ASB13: variants seen among roughly 807,000 people sequenced by gnomAD.
The protein encoded by ASB13 is ankyrin repeat and SOCS box protein 13.
ASB13 carries 33 observed loss-of-function variants against 28.8 expected under a neutral mutation model. The observed-to-expected ratio is 1.15, with a 90% CI of 0.87 to 1.53. The LOEUF (loss-of-function observed/expected upper bound fraction) is 1.53, where lower values mean the gene tolerates loss of function less well. Ranked by LOEUF, ASB13 falls within the 40% of genes most tolerant of loss-of-function variation. The probability of loss-of-function intolerance (pLI) is 0.00; values close to 1 mark genes in which losing one functional copy is unlikely to be tolerated. For synonymous variants in ASB13, 182 were observed against 172.9 expected (o/e 1.05, Z -0.41); for missense variants, 414 against 390.1 (o/e 1.06, Z -0.52).
At position 5,666,496 on chromosome 10, in the gene ASB13, C is replaced by T. The variant is rs1368171714; in HGVS notation, c.43+13G>A. On this transcript the variant is annotated intron_variant, in intron 1 of 5. Transcript: ENST00000357700. ...CGCTGCCTCGCTCTGACCTCCGCGG[C>T]GCCCGCACGTACCCACGTCGCCCAG... The T allele has an allele frequency of 4.6e-6, 6 of 1,294,660 alleles. No homozygotes were observed. The highest frequency in any genetic ancestry group is 4.9e-6 in the Non-Finnish European group (5 of 1,015,852). The allele number at this position is 1,294,660 out of a possible 1,614,324, so 80.2% of individuals were successfully genotyped here.
At position 5,656,970 on chromosome 10, in the gene ASB13, C is replaced by T. The variant is rs1256522609; in HGVS notation, c.44-3920G>A. Among the ~76,000 whole-genome samples the T allele has an allele frequency of 6.6e-6, 1 of 152,208 alleles. No individual in the cohort carries two copies. Among genetic ancestry groups the T allele is most frequent in the Non-Finnish European group, 1.5e-5 (1 of 68,032 alleles). ...TTGCTGGCTCTCCAGATAAACCTGC[C>T]ACCAACTCTTGTCTCTCGTATTTGG... On this transcript the variant is annotated intron_variant, in intron 1 of 5. Coordinates refer to ENST00000357700, the MANE Select transcript of ASB13 (RefSeq NM_024701.4). This position sits in a 1 kb window ranked among gnomAD's most constrained non-coding sequence, Gnocchi z 4.3.
chr10:5,648,853 C>G, intron 4 of ASB13, 117 bp downstream of exon 4: 1 of 1,531,782 alleles, frequency 6.5e-7, no homozygotes, highest in South Asian at 1.2e-5. Context: ...TAAACACCCA[C>G]TCGGGTAAAC....
Position 5,656,621 on chromosome 10 carries a change from C to A in ASB13, c.44-3571G>T, listed in dbSNP as rs1419141539. Among the ~76,000 whole-genome samples the A allele has an allele frequency of 6.6e-6, 1 of 151,994 alleles. No homozygotes were observed. Among genetic ancestry groups the A allele is most frequent in the Non-Finnish European group, 1.5e-5 (1 of 68,014 alleles). ...TGAGGGGCCTTTATCCATTCTTACA[C>A]AGAGGCTAGGATAATTTTAGAGCAT... On this transcript the variant is annotated intron_variant, in intron 1 of 5. Transcript: ENST00000357700. This position sits in a 1 kb window ranked among gnomAD's most constrained non-coding sequence, Gnocchi z 4.3.
chr10:5,666,259 G>C (rs943645588), intron 1 of ASB13, among the ~76,000 whole-genome samples: 4 of 152,116 alleles, frequency 2.6e-5, no homozygotes, highest in Admixed American at 1.3e-4. Flanking sequence ...CCCCACACCT[G>C]GCGAGCCGCA....
At chr10:5,666,390 G>A (rs1588524000) in intron 1 of ASB13, 119 bp downstream of exon 1, 1 of 887,398 alleles carries the variant, frequency 1.1e-6, no homozygotes, top group Non-Finnish European at 1.4e-6. Context: ...AAACGCCCCC[G>A]CCCACGGAGC....
rs1132290 is a variant in ASB13 at position 5,639,116 on chromosome 10, G to T, written c.*1587C>A. On this transcript the variant is annotated 3_prime_UTR_variant, in exon 6 of 6. Coordinates refer to ENST00000357700, the MANE Select transcript of ASB13 (RefSeq NM_024701.4). ...TCTTCTCAGTTTAGGACGAAGACCC[G>T]CCATGACAATGGCGGGAACGCTGGA... The T allele has an allele frequency of 6.6e-6, 1 of 152,662 alleles. No homozygotes were observed. The highest frequency in any genetic ancestry group is 1.5e-5 in the Non-Finnish European group (1 of 68,050). The allele number at this position is 152,662 out of a possible 1,614,324, so 9.5% of individuals were successfully genotyped here. A position where few individuals can be genotyped will look rare whatever the true frequency, so the allele number is the denominator to read the frequency against.
rs1276909180 is a variant in ASB13 at position 5,645,602 on chromosome 10, C to A, written c.517+3368G>T. On this transcript the variant is annotated intron_variant, in intron 4 of 5. Transcript: ENST00000357700. This position sits in a 1 kb window ranked among gnomAD's most constrained non-coding sequence, Gnocchi z 5.4. ...CTCACAGCTCAGCTCTCAAACCGCA[C>A]ATGAAAGCACCTGCACTCATGTGGG... Among the ~76,000 whole-genome samples, 1 of 152,200 alleles carries A rather than the reference C, an allele frequency of 6.6e-6. No homozygotes were observed. The highest frequency in any genetic ancestry group is 1.5e-5 in the Non-Finnish European group (1 of 68,042).
chr10:5,641,808 C>T lies in ASB13; in HGVS notation c.671G>A (p.Ser224Asn). The T allele has an allele frequency of 6.2e-7, 1 of 1,610,598 alleles. No individual in the cohort carries two copies. The highest frequency in any genetic ancestry group is 8.5e-7 in the Non-Finnish European group (1 of 1,178,566). ...RGKKPSDYTW[S>N]SSAPAKCFEY... ...GAAGCACTTGGCGGGAGCGCTGCTG[C>T]TCCACGTGTAGTCAGACGGCTTCTT... The change falls in exon 5 of 6, where the codon AGC (serine) becomes AAC (asparagine). Residue 224 changes from serine to asparagine, a missense_variant. Ser to Asn is a conservative substitution (Grantham distance 46). Transcript: ENST00000357700. The surrounding 1 kb of genome is among the most constrained non-coding windows in gnomAD (Gnocchi z 8.4).
chr10:5,662,579 A>AAGAGAAGAGAAG, intron 1 of ASB13, among the ~76,000 whole-genome samples: 1 of 109,534 alleles, frequency 9.1e-6, no homozygotes, highest in African/African-American at 3.3e-5. Flanking sequence ...AAGAGAAGAG[A>AAGAGAAGAGAAG]AGAGAAGAGA....
chr10:5,654,117 G>T (rs1311073253), intron 1 of ASB13, among the ~76,000 whole-genome samples: 1 of 150,444 alleles, frequency 6.6e-6, no homozygotes, highest in Non-Finnish European at 1.5e-5. Flanking sequence ...CTTTAAGGAC[G>T]ATGTTAACTG....
rs1368437512 is a variant in ASB13, at chr10:5,658,889, C to T, written c.44-5839G>A. 2.0e-5 allele frequency among the ~76,000 whole-genome samples: 3 copies of T among 152,102 alleles called. No homozygotes were observed. Among genetic ancestry groups the T allele is most frequent in the Non-Finnish European group, 2.9e-5 (2 of 68,020 alleles). On this transcript the variant is annotated intron_variant, in intron 1 of 5. Transcript: ENST00000357700. This position sits in a 1 kb window ranked among gnomAD's most constrained non-coding sequence, Gnocchi z 4.2. The stretch of plus-strand genomic sequence containing the variant: ...GCCTGGGGTGCACCTCGTCACCTTT[C>T]CTGACACCCCCAAACCACCGATGGC...
rs1287483554 is a variant in ASB13, at chr10:5,645,806, G to A, written c.517+3164C>T. 6.6e-6 allele frequency among the ~76,000 whole-genome samples: 1 copy of A among 152,114 alleles called. No homozygotes were observed. The highest frequency in any genetic ancestry group is 2.1e-4 in the South Asian group (1 of 4,828). ...GTCCCTGGCTTTCCTTTGGTTTCCC[G>A]AGGGATCTGTGACCTGACCCCAAAA... On this transcript the variant is annotated intron_variant, in intron 4 of 5. Coordinates refer to ENST00000357700, the MANE Select transcript of ASB13 (RefSeq NM_024701.4). The surrounding 1 kb of genome is among the most constrained non-coding windows in gnomAD (Gnocchi z 5.4).
At chr10:5,666,423 T>C in intron 1 of ASB13, 86 bp downstream of exon 1, 1 of 1,149,910 alleles carries the variant, frequency 8.7e-7, no homozygotes, top group South Asian at 3.1e-5. Context: ...CGCCACCACC[T>C]CCCCGGCGCA....
At chr10:5,648,884 A>G (rs1367552892) in intron 4 of ASB13, 86 bp downstream of exon 4, 1 of 1,570,838 alleles carries the variant, frequency 6.4e-7, no homozygotes. Context: ...GCAAACACCC[A>G]CTTGGGCAAA....
At chr10:5,648,154 G>A (rs540869546) in intron 4 of ASB13, among the ~76,000 whole-genome samples, 1 of 150,192 alleles carries the variant, frequency 6.7e-6, no homozygotes, top group East Asian at 2.0e-4. Context: ...CAACCACGCG[G>A]GTAAACACTC....
chr10:5,658,242 G>A lies in ASB13; in HGVS notation c.44-5192C>T, dbSNP rs1009961801. Reference sequence around the variant, plus strand: ...CCAGCACTTTGGGAGGCCGAGGCAGGCAATATGGTGAAACCCCATCTCTAC... The same window carrying A: ...CCAGCACTTTGGGAGGCCGAGGCAGACAATATGGTGAAACCCCATCTCTAC... On this transcript the variant is annotated intron_variant, in intron 1 of 5. Coordinates refer to ENST00000357700, the MANE Select transcript of ASB13 (RefSeq NM_024701.4). The surrounding 1 kb of genome is among the most constrained non-coding windows in gnomAD (Gnocchi z 4.2). Among the ~76,000 whole-genome samples the A allele has an allele frequency of 5.9e-5, 9 of 152,048 alleles. No homozygotes were observed. Among genetic ancestry groups the A allele is most frequent in the Non-Finnish European group, 1.0e-4 (7 of 67,996 alleles).
rs936711305 is a variant in ASB13 at position 5,652,723 on chromosome 10, G to A, written c.231+140C>T. ...CAGCCAGGTCCACGAGCACTTCTCA[G>A]CCATGGGCTTCCTGGTACCTGTGTG... On this transcript the variant is annotated intron_variant, in intron 2 of 5. Transcript: ENST00000357700. This position sits in a 1 kb window ranked among gnomAD's most constrained non-coding sequence, Gnocchi z 5.0. The A allele has an allele frequency of 1.1e-6, 1 of 895,708 alleles. No individual in the cohort carries two copies. Among genetic ancestry groups the A allele is most frequent in the East Asian group, 3.0e-5 (1 of 33,846 alleles). The allele number at this position is 895,708 out of a possible 1,614,324, so 55.5% of individuals were successfully genotyped here. A position where few individuals can be genotyped will look rare whatever the true frequency, so the allele number is the denominator to read the frequency against.
At position 5,652,768 on chromosome 10, in the gene ASB13, C is replaced by A; in HGVS notation, c.231+95G>T. The A allele has an allele frequency of 7.6e-7, 1 of 1,320,500 alleles. No individual in the cohort carries two copies. Among genetic ancestry groups the A allele is most frequent in the African/African-American group, 1.5e-5 (1 of 68,058 alleles). 81.8% of individuals were successfully genotyped at this position (1,320,500 alleles called of 1,614,324 possible). ...TGTGTGCAGTGGACACAGTGCAGCC[C>A]CCATCCTCCCCTCTTTCCCAAGTTC... is the stretch of plus-strand genomic sequence containing the variant. On this transcript the variant is annotated intron_variant, in intron 2 of 5. Transcript: ENST00000357700. This position sits in a 1 kb window ranked among gnomAD's most constrained non-coding sequence, Gnocchi z 5.0.
rs182229386 is a variant in ASB13, at chr10:5,644,833, A to G, written c.518-2872T>C. The stretch of plus-strand genomic sequence containing the variant: ...ACTCCATCTCAGAAAAAAAAGAAAG[A>G]AAGAAGGGAACAGATACAGAGGAAA... On this transcript the variant is annotated intron_variant, in intron 4 of 5. Coordinates refer to ENST00000357700, the MANE Select transcript of ASB13 (RefSeq NM_024701.4). This position sits in a 1 kb window ranked among gnomAD's most constrained non-coding sequence, Gnocchi z 5.1. 1.1e-4 allele frequency among the ~76,000 whole-genome samples: 17 copies of G among 152,252 alleles called. No individual in the cohort carries two copies. Among genetic ancestry groups the G allele is most frequent in the Admixed American group, 8.5e-4 (13 of 15,282 alleles).
Sources: allele counts gnomAD v4.1 joint callset (sites outside exome capture counted in the v4.1 genomes callset), GRCh38; gene constraint gnomAD v4.1.1; non-coding constraint Gnocchi (gnomAD v3.1); transcripts MANE v1.5; gene names NCBI Gene and HGNC (gene_info 2026-07-23, HGNC 2026-07-21).